The following SERPINB12 variants were observed in gnomAD, a reference collection of about 807,000 sequenced individuals.
SERPINB12 encodes the protein serpin B12.
SERPINB12 carries 57 observed loss-of-function variants against 41.1 expected under a neutral mutation model. That is an observed-to-expected ratio of 1.39 (90% confidence interval 1.12 to 1.73). The LOEUF is 1.73. Ranked by LOEUF, SERPINB12 falls within the 40% of genes most tolerant of loss-of-function variation. SERPINB12 has a pLI of 0.00. For missense variants in SERPINB12, 536 were observed against 501.9 expected (o/e 1.07, Z -0.65); for synonymous variants, 180 against 181.3 (o/e 0.99, Z 0.06).
rs149539216 is a variant in SERPINB12, at chr18:63,554,506, T to C, written c.-18-1636T>C. On this transcript the variant is annotated intron_variant, in intron 1 of 7. Transcript: ENST00000382768. ...GCAATATTTCTTCATGCTTATGGTG[T>C]GCTGTATCTGATGATAAAAGCACAA... is the stretch of plus-strand genomic sequence containing the variant. 1.0e-3 allele frequency among the ~76,000 whole-genome samples: 153 copies of C among 152,344 alleles called. 1 individual carries two copies. The East Asian group carries it at 0.02, about 20-fold the overall frequency.
chr18:63,534,289 AAAAAC>A, the SERPINB12 span, among the ~76,000 whole-genome samples: 5 of 152,168 alleles, frequency 3.3e-5, no homozygotes, highest in Non-Finnish European at 7.4e-5. Context: ...CAACACATTA[AAAAAC>A]AAAACAAAAC....
At chr18:63,543,692 G>A (rs1214821818) in intron 1 of SERPINB12, among the ~76,000 whole-genome samples, 3 of 151,978 alleles carry the variant, frequency 2.0e-5, no homozygotes, top group African/African-American at 7.2e-5. Context: ...TGTCTCCCCA[G>A]TTCAAGTGAT....
chr18:63,523,422 G>A, the SERPINB12 span, among the ~76,000 whole-genome samples: 3 of 152,172 alleles, frequency 2.0e-5, no homozygotes, highest in Non-Finnish European at 4.4e-5. Context: ...CAGCGTGATT[G>A]CTTCCGCATA....
the SERPINB12 span, among the ~76,000 whole-genome samples, chr18:63,530,435 C>A: frequency 6.6e-6 from 1 of 152,140 alleles, no homozygotes; most frequent in Non-Finnish European, 1.5e-5. Context: ...CACCTTCCCC[C>A]CAAACTTCCA....
the SERPINB12 span, among the ~76,000 whole-genome samples, chr18:63,519,748 A>T: frequency 1.3e-5 from 2 of 152,246 alleles, no homozygotes; most frequent in African/African-American, 4.8e-5. Flanking sequence ...CCCTCATTCT[A>T]GGAGTCCTAA....
chr18:63,534,841 C>G, the SERPINB12 span, among the ~76,000 whole-genome samples: 17 of 152,084 alleles, frequency 1.1e-4, no homozygotes, highest in African/African-American at 4.1e-4. Flanking sequence ...GTGATCGAAC[C>G]TATTTGGAAA....
the SERPINB12 span, among the ~76,000 whole-genome samples, chr18:63,526,157 A>AT: frequency 1.3e-5 from 2 of 152,074 alleles, no homozygotes; most frequent in South Asian, 2.1e-4. Flanking sequence ...TTAAACACTT[A>AT]TTTTTTTCCT....
chr18:63,554,073 T>C (rs532574811), intron 1 of SERPINB12, among the ~76,000 whole-genome samples: 5 of 147,750 alleles, frequency 3.4e-5, no homozygotes, highest in African/African-American at 1.3e-4. Context: ...AGATAAGAAC[T>C]GTGAGTTAGG....
At chr18:63,533,622 T>C in the SERPINB12 span, among the ~76,000 whole-genome samples, 1 of 152,220 alleles carries the variant, frequency 6.6e-6, no homozygotes, top group African/African-American at 2.4e-5. Context: ...TAGGTGCTGA[T>C]ATCTTTCACT....
rs1267958719 is a variant in SERPINB12, at chr18:63,551,645, GC to G, written c.-18-4496del. ...ACATTTGCGTTGTTCCTGAGTTTTGGCTATTATGAAAGTGTTGCTATGAACA... is the reference window on the plus strand; with the variant it reads ...ACATTTGCGTTGTTCCTGAGTTTTGGTATTATGAAAGTGTTGCTATGAACA... On this transcript the variant is annotated intron_variant, in intron 1 of 7. Transcript: ENST00000382768. Among the ~76,000 whole-genome samples, 7 of 152,084 alleles carry G rather than the reference GC, an allele frequency of 4.6e-5. No homozygotes were observed. The East Asian group carries it at 1.2e-3, about 25-fold the overall frequency.
At chr18:63,534,837 G>A in the SERPINB12 span, among the ~76,000 whole-genome samples, 89 of 152,152 alleles carry the variant, frequency 5.8e-4, no homozygotes, top group Non-Finnish European at 1.2e-3. Context: ...TCCTGTGATC[G>A]AACCTATTTG....
At chr18:63,528,429 C>T in the SERPINB12 span, among the ~76,000 whole-genome samples, 2 of 84,056 alleles carry the variant, frequency 2.4e-5, no homozygotes, top group East Asian at 3.3e-4. Context: ...TAAATAAATC[C>T]TATAAATCCT....
the SERPINB12 span, among the ~76,000 whole-genome samples, chr18:63,535,059 G>A: frequency 1.8e-4 from 28 of 152,038 alleles, no homozygotes; most frequent in African/African-American, 5.1e-4. Flanking sequence ...TATTGCTAAT[G>A]GTTTATGGAT....
At chr18:63,540,352 C>T (rs1350842607), upstream of SERPINB12, among the ~76,000 whole-genome samples, 1 of 152,124 alleles carries the variant, frequency 6.6e-6, no homozygotes, top group East Asian at 1.9e-4. Context: ...TGCATTCCAG[C>T]TTAAAAATGT....
chr18:63,565,436 C>G lies in SERPINB12; in HGVS notation c.706-9C>G. On this transcript the variant is annotated splice_polypyrimidine_tract_variant and intron_variant, in intron 6 of 7. Coordinates refer to ENST00000382768, the MANE Select transcript of SERPINB12 (RefSeq NM_001307928.2). ...GCCGTCCTGTGACCTCCTACCTTGA[C>G]TACTACAGAATGAAAACAAGAGTGT... The G allele has an allele frequency of 6.2e-7, 1 of 1,611,558 alleles. No individual in the cohort carries two copies. The highest frequency in any genetic ancestry group is 8.5e-7 in the Non-Finnish European group (1 of 1,178,836).
Position 63,566,742 on chromosome 18 carries a change from A to G in SERPINB12, c.1009A>G (p.Met337Val), listed in dbSNP as rs901908309. 12 of 1,614,044 alleles carry G rather than the reference A, an allele frequency of 7.4e-6. No individual in the cohort carries two copies. Among genetic ancestry groups the G allele is most frequent in the Non-Finnish European group, 9.3e-6 (11 of 1,180,008 alleles). ...SYDLNSILQD[M>V]GITDIFDETR... ...TGATCTCAATTCCATTTTACAAGACATGGGCATTACGGATATCTTTGATGA... is the reference window on the plus strand; with the variant it reads ...TGATCTCAATTCCATTTTACAAGACGTGGGCATTACGGATATCTTTGATGA... The change falls in exon 8 of 8, where the codon ATG (methionine) becomes GTG (valine). Residue 337 changes from methionine (M) to valine (V), a missense_variant. Physicochemically the swap from Met to Val is conservative, Grantham distance 21. Transcript: ENST00000382768.
At chr18:63,536,813 A>G in the SERPINB12 span, among the ~76,000 whole-genome samples, 1 of 152,160 alleles carries the variant, frequency 6.6e-6, no homozygotes, top group Admixed American at 6.6e-5. Flanking sequence ...TAATAGTATT[A>G]TTTTATAAAT....
At chr18:63,521,960 A>G in the SERPINB12 span, among the ~76,000 whole-genome samples, 1 of 152,358 alleles carries the variant, frequency 6.6e-6, no homozygotes, top group East Asian at 1.9e-4. Context: ...GTAGATAACC[A>G]GAACTCAAAA....
At chr18:63,538,289 T>C (rs1910212199), upstream of SERPINB12, among the ~76,000 whole-genome samples, 1 of 152,082 alleles carries the variant, frequency 6.6e-6, no homozygotes. Flanking sequence ...ATAACCACAA[T>C]AAATTTTAGA....
Sources: gnomAD v4.1 joint callset for allele counts (sites outside exome capture counted in the v4.1 genomes callset) on GRCh38, gnomAD v4.1.1 for gene constraint, MANE v1.5 for transcripts, NCBI Gene and HGNC (gene_info 2026-07-23, HGNC 2026-07-21) for gene names.